TPO: variants seen among roughly 807,000 people sequenced by gnomAD.
TPO encodes thyroid microsomal antigen.
Under a neutral mutation model 96.9 loss-of-function variants are expected in TPO, and 78 were observed. The ratio of observed to expected loss-of-function variants is 0.81; its 90% CI spans 0.67 to 0.97. The LOEUF (loss-of-function observed/expected upper bound fraction) is 0.97, where lower values mean the gene tolerates loss of function less well. Among genes scored for constraint, TPO ranks in the 50% least tolerant of loss-of-function variants. The probability of loss-of-function intolerance (pLI) is 0.00; values close to 1 mark genes in which losing one functional copy is unlikely to be tolerated. For missense variants in TPO, 1,252 were observed against 1,274.8 expected, an observed-to-expected ratio of 0.98 and a Z score of 0.27; for synonymous variants, 547 against 538.0, an observed-to-expected ratio of 1.02 and a Z score of -0.23.
chr2:1,443,612 T>C (rs201135426), intron 5 of TPO, among the ~76,000 whole-genome samples: 1,224 of 110,832 alleles, frequency 0.011, 3 homozygotes, highest in East Asian at 0.025. Flanking sequence ...CTGCAGGAGG[T>C]ACCATGTTGG....
intron 2 of TPO, among the ~76,000 whole-genome samples, chr2:1,420,048 ATG>A (rs1245715231): frequency 3.9e-5 from 6 of 152,212 alleles, no homozygotes; most frequent in Admixed American, 3.3e-4. Flanking sequence ...GATGAGAGTT[ATG>A]TGTCTCTGGG....
rs143801894 is a variant in TPO at position 1,376,684 on chromosome 2, T to C, written n.180+2282T>C. ...ATTCACCCTCCACCTCCCAGACCCATGACCGAGCACCCTTCACACCACCCC... is the reference window on the plus strand; with the variant it reads ...ATTCACCCTCCACCTCCCAGACCCACGACCGAGCACCCTTCACACCACCCC... On this transcript the variant is annotated intron_variant and non_coding_transcript_variant, in intron 1 of 5. Coordinates refer to the TPO transcript ENST00000497517. Among the ~76,000 whole-genome samples the C allele has an allele frequency of 3.4e-3, 519 of 152,222 alleles. 2 individuals carry two copies. The highest frequency in any genetic ancestry group is 5.7e-3 in the Non-Finnish European group (387 of 68,016).
At chr2:1,458,943 C>T (rs1018787235) in intron 7 of TPO, among the ~76,000 whole-genome samples, 5 of 152,090 alleles carry the variant, frequency 3.3e-5, no homozygotes, top group African/African-American at 1.2e-4. Context: ...GGCCCTCAAT[C>T]TTTGTGCCCA....
intron 2 of TPO, 125 bp downstream of exon 2, chr2:1,414,627 G>A: frequency 1.2e-6 from 1 of 803,730 alleles, no homozygotes. Context: ...GCTTTGTTAT[G>A]CTTAAGAAAA....
chr2:1,472,362 T>C (rs1216360562), intron 7 of TPO, among the ~76,000 whole-genome samples: 1 of 151,966 alleles, frequency 6.6e-6, no homozygotes, highest in Non-Finnish European at 1.5e-5. Flanking sequence ...CATAGTGTGC[T>C]CTTCCCACGA....
intron 14 of TPO, among the ~76,000 whole-genome samples, chr2:1,514,475 C>T (rs990463618): frequency 9.8e-5 from 15 of 152,324 alleles, no homozygotes; most frequent in African/African-American, 2.9e-4. Context: ...TGCCCAAACC[C>T]GATGCCGTTT....
intron 10 of TPO, among the ~76,000 whole-genome samples, chr2:1,490,044 C>G (rs1671606733): frequency 1.3e-5 from 1 of 76,460 alleles, no homozygotes; most frequent in African/African-American, 7.2e-5. Flanking sequence ...GGAGTCGCGA[C>G]ACAGCAGTGT....
At chr2:1,461,757 C>CCA (rs1169375710) in intron 7 of TPO, among the ~76,000 whole-genome samples, 4 of 152,076 alleles carry the variant, frequency 2.6e-5, no homozygotes, top group Admixed American at 1.3e-4. Flanking sequence ...ACACACAGAC[C>CCA]CACACACACA....
intron 1 of TPO, among the ~76,000 whole-genome samples, chr2:1,397,487 G>A (rs1274628480): frequency 6.6e-6 from 1 of 152,148 alleles, no homozygotes; most frequent in Non-Finnish European, 1.5e-5. Flanking sequence ...GTGCTCCAGT[G>A]CAGAGGGACT....
intron 1 of TPO, among the ~76,000 whole-genome samples, chr2:1,402,855 T>C (rs1429126221): frequency 6.6e-6 from 1 of 152,128 alleles, no homozygotes; most frequent in East Asian, 1.9e-4. Flanking sequence ...TATCACCCCA[T>C]ATTTTGTACA....
chr2:1,534,165 C>A (rs1156712025), intron 15 of TPO, among the ~76,000 whole-genome samples: 2 of 56,318 alleles, frequency 3.6e-5, no homozygotes, highest in Admixed American at 2.5e-4. Flanking sequence ...AAATCCCCCC[C>A]AATGCGAGCA....
chr2:1,432,229 G>A (rs955140617), intron 3 of TPO, among the ~76,000 whole-genome samples: 4 of 152,254 alleles, frequency 2.6e-5, no homozygotes, highest in African/African-American at 9.6e-5. Context: ...TGAACTTGAT[G>A]TAGTCCTCCC....
At chr2:1,384,700 T>C (rs1661860435) in intron 1 of TPO, among the ~76,000 whole-genome samples, 1 of 152,158 alleles carries the variant, frequency 6.6e-6, no homozygotes, top group Admixed American at 6.5e-5. Context: ...GAATACCCTT[T>C]ATTTCTTTCT....
At chr2:1,379,830 A>G (rs1238108747) in intron 1 of TPO, among the ~76,000 whole-genome samples, 2 of 152,216 alleles carry the variant, frequency 1.3e-5, no homozygotes. Flanking sequence ...AATAACTTTA[A>G]AAATGAAAAT....
intron 14 of TPO, among the ~76,000 whole-genome samples, chr2:1,510,348 G>A (rs960689153): frequency 6.6e-6 from 1 of 152,174 alleles, no homozygotes; most frequent in Non-Finnish European, 1.5e-5. Flanking sequence ...CAAGACTGCA[G>A]TTTTGCTGGA....
chr2:1,391,259 T>C (rs1004540306), intron 1 of TPO, among the ~76,000 whole-genome samples: 1 of 152,232 alleles, frequency 6.6e-6, no homozygotes, highest in African/African-American at 2.4e-5. Flanking sequence ...GCTAGCCAGT[T>C]TTCCCAGCAC....
intron 1 of TPO, among the ~76,000 whole-genome samples, chr2:1,386,770 A>G (rs1661901628): frequency 6.6e-6 from 1 of 152,070 alleles, no homozygotes; most frequent in Admixed American, 6.5e-5. Context: ...TTAGCTGGTT[A>G]TTTTGCTCAT....
chr2:1,430,724 C>T (rs73183030), intron 3 of TPO, among the ~76,000 whole-genome samples: 7,983 of 152,310 alleles, frequency 0.052, 581 homozygotes, highest in African/African-American at 0.15. Flanking sequence ...GTACAGGACA[C>T]GGAGTCAAAG....
intron 1 of TPO, among the ~76,000 whole-genome samples, chr2:1,400,568 CAA>C (rs34242408): frequency 0.064 from 4,591 of 71,496 alleles, 126 homozygotes; most frequent in African/African-American, 0.24. Context: ...GACTCTGTCT[CAA>C]AAAAAAAAAA....
Sources: allele counts gnomAD v4.1 joint callset (sites outside exome capture counted in the v4.1 genomes callset), GRCh38; gene constraint gnomAD v4.1.1; transcripts MANE v1.5; gene names NCBI Gene and HGNC (gene_info 2026-07-23, HGNC 2026-07-21).